SYCP2L: variants seen among roughly 807,000 people sequenced by gnomAD.
SYCP2L encodes the protein synaptonemal complex protein 2 like, also known as synaptonemal complex protein 2-like.
SYCP2L carries 98 observed loss-of-function variants against 125.8 expected under a neutral mutation model. The ratio of observed to expected loss-of-function variants is 0.78; its 90% CI spans 0.66 to 0.92. SYCP2L has a LOEUF of 0.92. Among genes scored for constraint, SYCP2L ranks in the 40% least tolerant of loss-of-function variants. SYCP2L has a pLI of 0.00. For synonymous variants in SYCP2L, 317 were observed against 325.4 expected (o/e 0.97, Z 0.28); for missense variants, 842 against 936.4 (o/e 0.90, Z 1.32).
chr6:10,938,423 A>G (rs1261926247), intron 21 of SYCP2L, among the ~76,000 whole-genome samples: 1 of 152,244 alleles, frequency 6.6e-6, no homozygotes, highest in Non-Finnish European at 1.5e-5. Flanking sequence ...TAAAAAGGCC[A>G]TATATGACAA....
chr6:10,956,364 C>A, intron 25 of SYCP2L, 122 bp downstream of exon 25: 1 of 748,178 alleles, frequency 1.3e-6, no homozygotes, highest in Non-Finnish European at 2.1e-6. Flanking sequence ...AAAAGTTGAA[C>A]TCAGAAACAG....
intron 29 of SYCP2L, among the ~76,000 whole-genome samples, chr6:10,971,454 T>A (rs2113437246): frequency 9.9e-6 from 1 of 100,576 alleles, no homozygotes; most frequent in African/African-American, 3.8e-5. Flanking sequence ...TGAGACTCTG[T>A]CTCAAAAAAA....
intron 15 of SYCP2L, among the ~76,000 whole-genome samples, chr6:10,925,960 G>A (rs537270591): frequency 6.6e-6 from 1 of 152,302 alleles, no homozygotes; most frequent in Non-Finnish European, 1.5e-5. Context: ...CCCTATTCTA[G>A]GGAAAGGGGT....
chr6:10,888,065 T>G (rs939493433), intron 1 of SYCP2L, among the ~76,000 whole-genome samples: 2 of 100,606 alleles, frequency 2.0e-5, no homozygotes, highest in Admixed American at 1.3e-4. Flanking sequence ...GGTGTTACCA[T>G]CTTTTTTTTT....
At chr6:10,934,947 G>A (rs1298516175) in intron 20 of SYCP2L, 111 bp from the exon 21 acceptor site, 2 of 1,019,826 alleles carry the variant, frequency 2.0e-6, no homozygotes, top group East Asian at 2.8e-5. Context: ...TTCAAATGGA[G>A]TAAATCTAAT....
chr6:10,959,869 C>CAAAAAAA (rs201059528), intron 26 of SYCP2L, among the ~76,000 whole-genome samples: 2 of 126,230 alleles, frequency 1.6e-5, no homozygotes, highest in East Asian at 2.2e-4. Flanking sequence ...AACTCTGTCT[C>CAAAAAAA]AAAAAAAAAA....
intron 23 of SYCP2L, among the ~76,000 whole-genome samples, chr6:10,948,498 A>G (rs1781355279): frequency 6.6e-6 from 1 of 152,182 alleles, no homozygotes; most frequent in Admixed American, 6.5e-5. Context: ...CCTTTTGCTT[A>G]TTAATATGAC....
Position 10,942,667 on chromosome 6 carries a change from T to C in SYCP2L, c.1885-10T>C. The C allele has an allele frequency of 6.2e-7, 1 of 1,613,502 alleles. No individual in the cohort carries two copies. Among genetic ancestry groups the C allele is most frequent in the South Asian group, 1.1e-5 (1 of 90,944 alleles). ...AAAGGACGTAATTTGTGGTCTGTTTTGTTTTTAAGATTGTGAACCAAGAAT... is the reference window on the plus strand; with the variant it reads ...AAAGGACGTAATTTGTGGTCTGTTTCGTTTTTAAGATTGTGAACCAAGAAT... On this transcript the variant is annotated splice_polypyrimidine_tract_variant and intron_variant, in intron 22 of 29. Coordinates refer to ENST00000283141, the MANE Select transcript of SYCP2L (RefSeq NM_001040274.3).
chr6:10,889,874 C>G (rs1045918136), intron 1 of SYCP2L, among the ~76,000 whole-genome samples: 2 of 152,148 alleles, frequency 1.3e-5, no homozygotes, highest in African/African-American at 4.8e-5. Flanking sequence ...CCCACCTCGG[C>G]CACCCAAAGT....
intron 8 of SYCP2L, among the ~76,000 whole-genome samples, chr6:10,904,398 G>A (rs1780445813): frequency 6.6e-6 from 1 of 152,208 alleles, no homozygotes; most frequent in South Asian, 2.1e-4. Context: ...GTGGTGTGTG[G>A]CCACAGTGTA....
At chr6:10,887,939 C>T (rs1780104746) in intron 1 of SYCP2L, among the ~76,000 whole-genome samples, 1 of 152,238 alleles carries the variant, frequency 6.6e-6, no homozygotes, top group Non-Finnish European at 1.5e-5. Flanking sequence ...TCACCCTCTC[C>T]ATCCCTGTTA....
rs529244114 is a variant in SYCP2L at position 10,900,785 on chromosome 6, C to CG, written c.467-1884dup. ...GGTTAAGGCTCCAACATATGAATTT[C>CG]GGGGGGGGACACAGTCCCATCTATA... On this transcript the variant is annotated intron_variant, in intron 6 of 29. Coordinates refer to ENST00000283141, the MANE Select transcript of SYCP2L (RefSeq NM_001040274.3). Among the ~76,000 whole-genome samples, 833 of 152,070 alleles carry CG rather than the reference C, an allele frequency of 5.5e-3. 9 individuals carry two copies. Among genetic ancestry groups the CG allele is most frequent in the African/African-American group, 0.019 (798 of 41,472 alleles).
rs567410650 is a variant in SYCP2L at position 10,895,707 on chromosome 6, C to T, written c.336+1503C>T. ...AGAAACCTCATCATATTCCACATCT[C>T]GAACTCCCAACCTCAGATGATTCCC... On this transcript the variant is annotated intron_variant, in intron 4 of 29. Transcript: ENST00000283141. Among the ~76,000 whole-genome samples, 10 of 152,188 alleles carry T rather than the reference C, an allele frequency of 6.6e-5. No homozygotes were observed. In the East Asian group the frequency reaches 1.6e-3, roughly 24 times the overall value.
intron 29 of SYCP2L, among the ~76,000 whole-genome samples, chr6:10,972,863 C>T (rs1451836359): frequency 6.6e-6 from 1 of 152,098 alleles, no homozygotes; most frequent in East Asian, 1.9e-4. Context: ...AAACAGTTTT[C>T]CTGGAAGCCC....
intron 10 of SYCP2L, among the ~76,000 whole-genome samples, chr6:10,908,861 C>T (rs2113314977): frequency 6.6e-6 from 1 of 152,272 alleles, no homozygotes; most frequent in East Asian, 1.9e-4. Context: ...GGGATGTATG[C>T]ATTTTGGCAA....
chr6:10,971,718 C>G (rs1781778331), intron 29 of SYCP2L, among the ~76,000 whole-genome samples: 2 of 151,914 alleles, frequency 1.3e-5, no homozygotes, highest in African/African-American at 4.8e-5. Flanking sequence ...GAGTTTCGCT[C>G]TTGTTGCCGA....
At chr6:10,925,981 AC>A (rs1780889859) in intron 15 of SYCP2L, among the ~76,000 whole-genome samples, 1 of 152,100 alleles carries the variant, frequency 6.6e-6, no homozygotes, top group Admixed American at 6.5e-5. Context: ...TGGACTGAGG[AC>A]CCTATAGTTG....
chr6:10,894,205 A>T lies in SYCP2L; in HGVS notation c.336+1A>T, dbSNP rs1581814431. ...AATTCGGCAGGGACTGATCCCAAAG[A>T]TAAGTGTCCTATTTTAATTTTATAT... On this transcript the variant is annotated splice_donor_variant, in intron 4 of 29. Transcript: ENST00000283141. LOFTEE classifies it high-confidence loss of function. 2 of 1,612,078 alleles carry T rather than the reference A, an allele frequency of 1.2e-6. No homozygotes were observed. The highest frequency in any genetic ancestry group is 4.5e-5 in the East Asian group (2 of 44,822).
intron 17 of SYCP2L, among the ~76,000 whole-genome samples, chr6:10,928,188 G>T (rs1342383237): frequency 6.6e-6 from 1 of 151,220 alleles, no homozygotes; most frequent in Non-Finnish European, 1.5e-5. Context: ...TTAAAGACAG[G>T]CATAGGAAAT....
Sources: gnomAD v4.1 joint callset for allele counts (sites outside exome capture counted in the v4.1 genomes callset) on GRCh38, gnomAD v4.1.1 for gene constraint, MANE v1.5 for transcripts, NCBI Gene and HGNC (gene_info 2026-07-23, HGNC 2026-07-21) for gene names.